Variants in CDK14 observed in about 807,000 individuals in gnomAD.
CDK14 encodes cyclin-dependent kinase 14.
CDK14 carries 34 observed loss-of-function variants against 60.7 expected under a neutral mutation model. The observed-to-expected ratio is 0.56, with a 90% CI of 0.43 to 0.75. CDK14 has a LOEUF of 0.75. CDK14 is among the 30% of genes least tolerant of loss of function. The probability of loss-of-function intolerance (pLI) is 0.00; values close to 1 mark genes in which losing one functional copy is unlikely to be tolerated. For missense variants in CDK14, 482 were observed against 564.1 expected, an observed-to-expected ratio of 0.85 and a Z score of 1.47; for synonymous variants, 197 against 203.7, an observed-to-expected ratio of 0.97 and a Z score of 0.28.
At chr7:91,081,307 AG>A (rs1311764661) in intron 12 of CDK14, among the ~76,000 whole-genome samples, 1 of 152,228 alleles carries the variant, frequency 6.6e-6, no homozygotes, top group Non-Finnish European at 1.5e-5. Flanking sequence ...AGAATTCAAA[AG>A]AACTACATTA....
At chr7:90,733,738 C>G (rs1232246948) in intron 3 of CDK14, among the ~76,000 whole-genome samples, 2 of 152,182 alleles carry the variant, frequency 1.3e-5, no homozygotes, top group Non-Finnish European at 2.9e-5. Flanking sequence ...ATACAGCACA[C>G]TGATGGGTCT....
At chr7:90,602,309 G>A (rs1370796121) in intron 1 of CDK14, among the ~76,000 whole-genome samples, 1 of 152,188 alleles carries the variant, frequency 6.6e-6, no homozygotes, top group Non-Finnish European at 1.5e-5. Flanking sequence ...AAATGAGCTA[G>A]GTATGAGGCT....
rs879694894 is a variant in CDK14 at position 90,649,240 on chromosome 7, C to CTTTCTTTGTTTCTTTGTTTCTTTG, written c.123+44998_123+44999insGTTTCTTTGTTTCTTTGTTTCTTT. On this transcript the variant is annotated intron_variant, in intron 2 of 14. Coordinates refer to ENST00000380050, the MANE Select transcript of CDK14 (RefSeq NM_001287135.2). ...CAGCAACAGCTCTAGCCTATAGTTT[C>CTTTCTTTGTTTCTTTGTTTCTTTG]TTTCTTTCTTTCTTTCTTTCTTTCT... Among the ~76,000 whole-genome samples the CTTTCTTTGTTTCTTTGTTTCTTTG allele has an allele frequency of 9.9e-5, 3 of 30,290 alleles. No individual in the cohort carries two copies. The East Asian group carries it at 2.7e-3, about 27-fold the overall frequency. The allele number at this position is 30,290 out of a possible 152,430, so 19.9% of individuals were successfully genotyped here. A position where few individuals can be genotyped will look rare whatever the true frequency, so the allele number is the denominator to read the frequency against.
chr7:91,109,017 G>A (rs1799397187), intron 12 of CDK14, among the ~76,000 whole-genome samples: 1 of 152,064 alleles, frequency 6.6e-6, no homozygotes. Context: ...GCCTTATGAT[G>A]GTAGCTGAAA....
chr7:90,962,410 C>T (rs1281638021), intron 9 of CDK14, among the ~76,000 whole-genome samples: 9 of 151,942 alleles, frequency 5.9e-5, no homozygotes, highest in African/African-American at 1.5e-4. Flanking sequence ...CTCTTGAACC[C>T]GGGAGGCAGA....
rs139584808 is a variant in CDK14, at chr7:90,766,837, A to G, written c.464+19062A>G. On this transcript the variant is annotated intron_variant, in intron 4 of 14. Transcript: ENST00000380050. ...CAGCTCTCTCACACTGTCCGCCTTT[A>G]TCTTGGTTGTCTGCTCCGGCTCCAC... 5.4e-3 allele frequency among the ~76,000 whole-genome samples: 815 copies of G among 152,102 alleles called. 8 individuals carry two copies. The highest frequency in any genetic ancestry group is 0.02 in the Middle Eastern group (6 of 294).
chr7:91,086,570 C>T lies in CDK14; in HGVS notation c.1154+7090C>T, dbSNP rs142203923. Among the ~76,000 whole-genome samples the T allele has an allele frequency of 6.4e-3, 968 of 152,232 alleles. 6 individuals carry two copies. Among genetic ancestry groups the T allele is most frequent in the Non-Finnish European group, 0.011 (764 of 68,018 alleles). On this transcript the variant is annotated intron_variant, in intron 12 of 14. Transcript: ENST00000380050. ...TAAAGGCTCAGCTTCCTGTTCATCA[C>T]ATATGAGATGCTATTGAGAGGGGCT...
chr7:90,964,090 T>C (rs1365487796), intron 9 of CDK14, among the ~76,000 whole-genome samples: 2 of 152,212 alleles, frequency 1.3e-5, no homozygotes, highest in African/African-American at 4.8e-5. Flanking sequence ...CAAAGATCAG[T>C]AACAAGCGTC....
At chr7:90,837,953 T>C (rs1790166788) in intron 5 of CDK14, among the ~76,000 whole-genome samples, 2 of 152,114 alleles carry the variant, frequency 1.3e-5, no homozygotes, top group Admixed American at 6.5e-5. Flanking sequence ...AAGGATGTGT[T>C]GTTTGGAAAA....
At chr7:90,805,877 T>C (rs537485781) in intron 5 of CDK14, among the ~76,000 whole-genome samples, 2 of 152,292 alleles carry the variant, frequency 1.3e-5, no homozygotes, top group East Asian at 3.9e-4. Context: ...AGACTTACAC[T>C]ACTTAATTTC....
chr7:90,691,583 C>G (rs774661263), intron 2 of CDK14, among the ~76,000 whole-genome samples: 1 of 152,094 alleles, frequency 6.6e-6, no homozygotes, highest in Non-Finnish European at 1.5e-5. Context: ...GGCCTTTATT[C>G]TGAATGAGAT....
intron 11 of CDK14, among the ~76,000 whole-genome samples, chr7:91,068,300 G>A (rs957435034): frequency 1.8e-4 from 28 of 152,110 alleles, no homozygotes; most frequent in Non-Finnish European, 3.2e-4. Flanking sequence ...GTTTGTAATC[G>A]GGGCTGATCT....
At chr7:90,804,824 A>G (rs1562777577) in intron 5 of CDK14, among the ~76,000 whole-genome samples, 1 of 152,140 alleles carries the variant, frequency 6.6e-6, no homozygotes, top group Non-Finnish European at 1.5e-5. Context: ...TGATACTTTT[A>G]TATTTAAGAC....
intron 6 of CDK14, among the ~76,000 whole-genome samples, chr7:90,877,441 C>T (rs530401487): frequency 6.6e-6 from 1 of 151,758 alleles, no homozygotes; most frequent in Non-Finnish European, 1.5e-5. Context: ...CTTGTGGTGG[C>T]AGCTATTTGC....
At chr7:91,127,847 G>T (rs1800000312) in intron 14 of CDK14, among the ~76,000 whole-genome samples, 1 of 152,050 alleles carries the variant, frequency 6.6e-6, no homozygotes. Context: ...GAACACAGTG[G>T]CAAAACAGAA....
At chr7:90,835,107 A>C (rs888942993) in intron 5 of CDK14, among the ~76,000 whole-genome samples, 1 of 152,166 alleles carries the variant, frequency 6.6e-6, no homozygotes. Flanking sequence ...CAAGAAGATA[A>C]AGGCATTGAA....
intron 5 of CDK14, among the ~76,000 whole-genome samples, chr7:90,806,455 T>C (rs1390167888): frequency 6.6e-6 from 1 of 152,198 alleles, no homozygotes; most frequent in Non-Finnish European, 1.5e-5. Flanking sequence ...GGGGAATTTA[T>C]TTGAATAGAC....
intron 9 of CDK14, among the ~76,000 whole-genome samples, chr7:90,976,760 TAGTTTGC>T (rs1386747293): frequency 6.6e-6 from 1 of 152,152 alleles, no homozygotes; most frequent in East Asian, 1.9e-4. Flanking sequence ...GTCATACAAG[TAGTTTGC>T]AAATATTTAC....
chr7:91,127,142 G>A (rs1046566372), intron 14 of CDK14, among the ~76,000 whole-genome samples: 2 of 152,116 alleles, frequency 1.3e-5, no homozygotes, highest in African/African-American at 4.8e-5. Context: ...TTGTGAAGTG[G>A]AATTGATTTC....
Sources: allele counts gnomAD v4.1 joint callset (sites outside exome capture counted in the v4.1 genomes callset), GRCh38; gene constraint gnomAD v4.1.1; transcripts MANE v1.5; gene names NCBI Gene and HGNC (gene_info 2026-07-23, HGNC 2026-07-21).